The following KLHL22 variants were observed in gnomAD, a reference collection of about 807,000 sequenced individuals.
KLHL22 encodes kelch like family member 22.
Under a neutral mutation model 60.7 loss-of-function variants are expected in KLHL22, and 18 were observed. The ratio of observed to expected loss-of-function variants is 0.30; its 90% CI spans 0.20 to 0.44. The LOEUF is 0.44. Among genes scored for constraint, KLHL22 ranks in the 20% least tolerant of loss-of-function variants. The pLI, the probability that KLHL22 is intolerant of heterozygous loss-of-function variation, is 1.00. For missense variants in KLHL22, 596 were observed against 852.3 expected (o/e 0.70, Z 3.74); for synonymous variants, 355 against 354.5 (o/e 1.00, Z -0.01).
intron 2 of KLHL22, among the ~76,000 whole-genome samples, chr22:20,474,681 C>A (rs976627604): frequency 2.0e-5 from 3 of 152,212 alleles, no homozygotes; most frequent in Non-Finnish European, 4.4e-5. Flanking sequence ...CATGAGCCAC[C>A]GCGCCCAGCC....
chr22:20,465,187 C>T lies in KLHL22; in HGVS notation c.783G>A (p.Leu261=). The part of the protein sequence containing the change: ...AEVLQRLHDK[L]DPSPLRDTVA... ...CTGTGTCCCTCAAAGGGCTGGGGTC[C>T]AGCTTGTCATGCAGCCGCTGCAGGA... The change falls in exon 4 of 7, where the codon CTG becomes CTA. Residue 261 remains leucine, a synonymous_variant. Coordinates refer to ENST00000328879, the MANE Select transcript of KLHL22 (RefSeq NM_032775.4). The surrounding 1 kb of genome is among the most constrained non-coding windows in gnomAD (Gnocchi z 4.9). 1 of 1,613,834 alleles carries T rather than the reference C, an allele frequency of 6.2e-7. No individual in the cohort carries two copies. Among genetic ancestry groups the T allele is most frequent in the African/African-American group, 1.3e-5 (1 of 75,042 alleles).
At chr22:20,491,089 T>C (rs1266252755) in intron 1 of KLHL22, 5 of 152,130 alleles carry the variant, frequency 3.3e-5, no homozygotes, top group Non-Finnish European at 7.3e-5. Context: ...CTCAGGAAAA[T>C]ACTCATGTCT....
At chr22:20,467,954 G>A (rs763647382) in intron 3 of KLHL22, among the ~76,000 whole-genome samples, 19 of 152,180 alleles carry the variant, frequency 1.2e-4, no homozygotes, top group Non-Finnish European at 2.4e-4. Context: ...CACGGCGCCC[G>A]GCCAAGGTAT....
chr22:20,487,109 G>A (rs370145920), intron 2 of KLHL22, among the ~76,000 whole-genome samples: 3 of 152,078 alleles, frequency 2.0e-5, no homozygotes, highest in East Asian at 1.9e-4. Flanking sequence ...TAGCAGAGAC[G>A]GAGTTTCACT....
intron 2 of KLHL22, chr22:20,488,669 G>GCCGTATCATTAAAAAA: frequency 1.2e-4 from 52 of 420,304 alleles, no homozygotes; most frequent in Admixed American, 2.7e-4. Context: ...CTGACGGAGG[G>GCCGTATCATTAAAAAA]GAGGAATGGT....
Position 20,442,162 on chromosome 22 carries a change from G to C in KLHL22, c.1816C>G (p.Pro606Ala). The change falls in exon 7 of 7, where the codon CCT (proline) becomes GCT (alanine). Residue 606 changes from proline (P) to alanine (A), a missense_variant. Coordinates refer to ENST00000328879, the MANE Select transcript of KLHL22 (RefSeq NM_032775.4). ...SLLLEPPRGT[P>A]DRSQADPDFA... ...TCCGGGTCGGCCTGGCTGCGGTCAG[G>C]GGTCCCGCGGGGCGGCTCAAGGAGC... 6.4e-7 allele frequency: 1 copy of C among 1,550,876 alleles called. No individual in the cohort carries two copies. Among genetic ancestry groups the C allele is most frequent in the Admixed American group, 1.9e-5 (1 of 52,544 alleles).
chr22:20,451,511 G>A (rs1214173734), intron 5 of KLHL22: 12 of 1,598,810 alleles, frequency 7.5e-6, no homozygotes, highest in Non-Finnish European at 9.4e-6. Flanking sequence ...AAGCGTTCTG[G>A]TGCAGGAGTA....
At chr22:20,443,429 T>G (rs1205985135) in intron 6 of KLHL22, among the ~76,000 whole-genome samples, 1 of 151,662 alleles carries the variant, frequency 6.6e-6, no homozygotes, top group African/African-American at 2.4e-5. Context: ...TCCATCCAAT[T>G]GCATGAGCCC....
intron 3 of KLHL22, among the ~76,000 whole-genome samples, chr22:20,470,914 G>A (rs1490801627): frequency 6.6e-6 from 1 of 152,212 alleles, no homozygotes. Flanking sequence ...ATAAAGTTCA[G>A]TAACAAAACA....
intron 6 of KLHL22, among the ~76,000 whole-genome samples, chr22:20,445,910 T>C (rs1394176449): frequency 6.6e-6 from 1 of 152,132 alleles, no homozygotes; most frequent in Non-Finnish European, 1.5e-5. Flanking sequence ...AGTACAGGCA[T>C]GCAACCACAC....
intron 1 of KLHL22, among the ~76,000 whole-genome samples, chr22:20,494,238 G>A (rs2053735788): frequency 6.6e-6 from 1 of 152,152 alleles, no homozygotes; most frequent in African/African-American, 2.4e-5. Flanking sequence ...AGGCATGGTG[G>A]TGTACACCTG....
chr22:20,441,792 G>T lies in KLHL22; in HGVS notation c.*281C>A, dbSNP rs925979615. The T allele has an allele frequency of 5.8e-6, 2 of 346,542 alleles. No homozygotes were observed. Among genetic ancestry groups the T allele is most frequent in the Non-Finnish European group, 1.0e-5 (2 of 190,622 alleles). The allele number at this position is 346,542 out of a possible 1,614,324, so 21.5% of individuals were successfully genotyped here. A position where few individuals can be genotyped will look rare whatever the true frequency, so the allele number is the denominator to read the frequency against. On this transcript the variant is annotated 3_prime_UTR_variant, in exon 7 of 7. Transcript: ENST00000328879. ...GGAGAAGGACTGATCTAGGCAGGGA[G>T]GAGAGAAGGCCAACCCCTCCAGGGC...
intron 2 of KLHL22, among the ~76,000 whole-genome samples, chr22:20,485,986 G>A (rs2053579714): frequency 6.6e-6 from 1 of 151,696 alleles, no homozygotes; most frequent in South Asian, 2.1e-4. Flanking sequence ...GGCCAACATG[G>A]TGAAACCCTG....
intron 3 of KLHL22, among the ~76,000 whole-genome samples, chr22:20,466,131 T>C (rs1652706762): frequency 6.6e-6 from 1 of 151,928 alleles, no homozygotes; most frequent in Non-Finnish European, 1.5e-5. Flanking sequence ...ATCCCAGCAC[T>C]TTGGGAGGAC....
chr22:20,483,382 G>T, intron 2 of KLHL22: 2 of 802,476 alleles, frequency 2.5e-6, no homozygotes, highest in East Asian at 5.0e-5. Context: ...AAGGTCCTGA[G>T]ATTTGGGGGC....
intron 2 of KLHL22, among the ~76,000 whole-genome samples, chr22:20,481,674 G>A (rs958268894): frequency 3.3e-5 from 5 of 152,038 alleles, no homozygotes; most frequent in East Asian, 1.9e-4. Flanking sequence ...GGCTTGGCTC[G>A]GCTCACTGCA....
At chr22:20,442,799 A>G (rs2052784596) in intron 6 of KLHL22, among the ~76,000 whole-genome samples, 2 of 152,204 alleles carry the variant, frequency 1.3e-5, no homozygotes, top group South Asian at 2.1e-4. Flanking sequence ...CCCATGTCTG[A>G]GGGCACTGCT....
chr22:20,450,469 G>C, intron 5 of KLHL22: 1 of 1,612,482 alleles, frequency 6.2e-7, no homozygotes, highest in South Asian at 1.1e-5. Context: ...GTTGAAAGGT[G>C]TGAAACAAGC....
At chr22:20,468,430 A>T (rs2053266231) in intron 3 of KLHL22, among the ~76,000 whole-genome samples, 1 of 152,246 alleles carries the variant, frequency 6.6e-6, no homozygotes. Context: ...CGAGGCTCAC[A>T]GAAGGGACTG....
Sources: allele counts gnomAD v4.1 joint callset (sites outside exome capture counted in the v4.1 genomes callset), GRCh38; gene constraint gnomAD v4.1.1; non-coding constraint Gnocchi (gnomAD v3.1); transcripts MANE v1.5; gene names NCBI Gene and HGNC (gene_info 2026-07-23, HGNC 2026-07-21).